The following MSH5 variants were observed in gnomAD, a reference collection of about 807,000 sequenced individuals.
MSH5 encodes mutS protein homolog 5.
In MSH5, 78 loss-of-function variants were observed where a neutral mutation model predicts 107.7. The ratio of observed to expected loss-of-function variants is 0.72; its 90% confidence interval spans 0.60 to 0.87. MSH5 has a LOEUF of 0.87. Among genes scored for constraint, MSH5 ranks in the 40% least tolerant of loss-of-function variants. The pLI is 0.00. For missense variants in MSH5, 889 were observed against 1,046.6 expected (o/e 0.85, Z 2.08); for synonymous variants, 326 against 399.5 (o/e 0.82, Z 2.19).
rs1809198733 is a variant in MSH5 at position 31,744,259 on chromosome 6, AAT to A, written c.608_609del (p.Asn203SerfsTer9). On this transcript the variant is annotated frameshift_variant, in exon 7 of 25. Transcript: ENST00000375750. LOFTEE classifies it high-confidence loss of function. ...AATCGGGGTTGAACTGGAAGACTAT[AAT>A]GTCAGCGTCCCCATCCTGGGCTTTA... ...RRIGVELEDY[N>X]VSVPILGFKK... The A allele has an allele frequency of 3.1e-6, 5 of 1,614,004 alleles. No homozygotes were observed. The highest frequency in any genetic ancestry group is 3.4e-6 in the Non-Finnish European group (4 of 1,180,036).
intron 12 of MSH5, among the ~76,000 whole-genome samples, chr6:31,755,826 C>T (rs1336172291): frequency 1.3e-5 from 2 of 151,992 alleles, no homozygotes; most frequent in African/African-American, 2.4e-5. Context: ...TTTAATCTAC[C>T]GGTTCCTTCT....
intron 10 of MSH5, among the ~76,000 whole-genome samples, chr6:31,750,239 T>G (rs940075717): frequency 6.6e-5 from 10 of 152,256 alleles, no homozygotes. Flanking sequence ...TATTTTAATT[T>G]ATTAGGAAAT....
At chr6:31,751,231 C>T (rs550850318) in intron 10 of MSH5, among the ~76,000 whole-genome samples, 10 of 152,280 alleles carry the variant, frequency 6.6e-5, no homozygotes, top group East Asian at 1.9e-4. Context: ...CTCCTGACCT[C>T]GTGACCCGCC....
chr6:31,761,575 A>T lies in MSH5; in HGVS notation c.2141A>T (p.Gln714Leu). 6.2e-7 allele frequency: 1 copy of T among 1,614,002 alleles called. No homozygotes were observed. Among genetic ancestry groups the T allele is most frequent in the Non-Finnish European group, 8.5e-7 (1 of 1,180,034 alleles). ...GCCACCAACTTTCTGAGCCTTGTTC[A>T]GCTACAACTGCTGCCACAAGGGCCC... ...FVATNFLSLV[Q>L]LQLLPQGPLV... Residue 714 changes from glutamine to leucine, a missense_variant, in exon 22 of 25, where the codon CAG becomes CTG. By Grantham distance (113) the Gln-to-Leu change is moderately radical. Transcript: ENST00000375750. The surrounding 1 kb of genome is among the most constrained non-coding windows in gnomAD (Gnocchi z 5.3).
In MSH5 at chr6:31,743,118, G is replaced by A; in HGVS notation, c.363G>A (p.Glu121=). ...TRFLGKLASQ[E]HREPKRPEII... is the part of the protein sequence containing the mutation. The stretch of plus-strand genomic sequence containing the variant: ...TTTCCTCCCCCACAGCCTCCCAGGA[G>A]CACAGAGAGCCTAAAAGACCTGAAA... The change falls in exon 5 of 25, where the codon GAG becomes GAA. Residue 121 remains glutamate (E), a synonymous_variant. Transcript: ENST00000375750. The A allele has an allele frequency of 1.2e-6, 2 of 1,613,022 alleles. No homozygotes were observed. The highest frequency in any genetic ancestry group is 1.7e-4 in the Middle Eastern group (1 of 6,058).
rs1808869075 is a variant in MSH5 at position 31,741,348 on chromosome 6, C to T, written c.271+62C>T. 23 of 679,442 alleles carry T rather than the reference C, an allele frequency of 3.4e-5. 1 individual carries two copies. Among genetic ancestry groups the T allele is most frequent in the Non-Finnish European group, 4.9e-5 (23 of 469,646 alleles). 42.1% of individuals were successfully genotyped at this position (679,442 alleles called of 1,614,324 possible). Reference sequence around the variant, plus strand: ...ATTGCAGATGTGTTACACACACACACACACACACACACACACACACACACA... The same window carrying T: ...ATTGCAGATGTGTTACACACACACATACACACACACACACACACACACACA... On this transcript the variant is annotated intron_variant, in intron 3 of 24. Transcript: ENST00000375750.
At position 31,752,460 on chromosome 6, in the gene MSH5, C is replaced by T. The variant is rs184090010; in HGVS notation, c.813-841C>T. Among the ~76,000 whole-genome samples the T allele has an allele frequency of 1.4e-4, 20 of 148,104 alleles. No homozygotes were observed. The East Asian group carries it at 2.2e-3, about 16-fold the overall frequency. On this transcript the variant is annotated intron_variant, in intron 10 of 24. Coordinates refer to ENST00000375750, the MANE Select transcript of MSH5 (RefSeq NM_172166.4). ...ACTATTGGCCGGGTATGGTGACTCA[C>T]GCCTGTAATCCCAGCACTTTGGGAG...
intron 12 of MSH5, 98 bp downstream of exon 12, chr6:31,753,727 T>A: frequency 9.0e-7 from 1 of 1,108,118 alleles, no homozygotes; most frequent in Non-Finnish European, 1.3e-6. Flanking sequence ...AATTTTATTC[T>A]ACCCTCTTTT....
Position 31,761,854 on chromosome 6 carries a change from T to G in MSH5, c.2218T>G (p.Phe740Val). ...ETCEDGNDLV[F>V]FYQVCEGVAK... ...CTGTGAGGATGGCAACGATCTTGTCTTCTTCTATCAGGTTTGCGAAGGTGT... is the reference window on the plus strand; with the variant it reads ...CTGTGAGGATGGCAACGATCTTGTCGTCTTCTATCAGGTTTGCGAAGGTGT... Residue 740 changes from phenylalanine (F) to valine (V), a missense_variant, in exon 23 of 25, where the codon TTC becomes GTC. Physicochemically the swap from Phe to Val is conservative, Grantham distance 50. This residue lies in a region of MSH5 where 362 missense variants were observed against 456.2 expected (regional missense o/e 0.79). Transcript: ENST00000375750. This position sits in a 1 kb window ranked among gnomAD's most constrained non-coding sequence, Gnocchi z 5.3. 1.2e-6 allele frequency: 2 copies of G among 1,613,094 alleles called. No homozygotes were observed. The highest frequency in any genetic ancestry group is 1.7e-6 in the Non-Finnish European group (2 of 1,180,010).
intron 12 of MSH5, 105 bp downstream of exon 12, chr6:31,753,734 T>C (rs1297318214): frequency 5.2e-5 from 11 of 210,270 alleles, no homozygotes; most frequent in Middle Eastern, 1.5e-3. Flanking sequence ...TTCTACCCTC[T>C]TTTTTTTTTT....
chr6:31,750,958 A>G (rs1404854229), intron 10 of MSH5, among the ~76,000 whole-genome samples: 2 of 152,190 alleles, frequency 1.3e-5, no homozygotes, highest in Non-Finnish European at 2.9e-5. Flanking sequence ...ACCCGGAATT[A>G]GACAAACACA....
rs746903566 is a variant in MSH5, at chr6:31,753,348, G to T, written c.860G>T (p.Arg287Leu). ...PTHDLGELSS[R>L]LDVIQFFLLP... is the part of the protein sequence containing the mutation. ...CATGACCTGGGGGAGCTCAGTTCTC[G>T]TCTGGACGTCATTCAGTTTTTTCTG... is the stretch of plus-strand genomic sequence containing the variant. Residue 287 changes from arginine (R) to leucine (L), a missense_variant, in exon 11 of 25, where the codon CGT (arginine) becomes CTT (leucine). Arg to Leu is a moderately radical substitution (Grantham distance 102). This residue lies in a region of MSH5 where 518 missense variants were observed against 565.0 expected (regional missense o/e 0.92). Coordinates refer to ENST00000375750, the MANE Select transcript of MSH5 (RefSeq NM_172166.4). 2 of 1,614,182 alleles carry T rather than the reference G, an allele frequency of 1.2e-6. No homozygotes were observed. The highest frequency in any genetic ancestry group is 1.7e-6 in the Non-Finnish European group (2 of 1,180,032).
Position 31,740,531 on chromosome 6 carries a change from C to A in MSH5, c.65C>A (p.Ser22Tyr), listed in dbSNP as rs1407988417. ...PQGPRPGAAS[S>Y]GFPSPAPVPG... ...GGACCGAGACCTGGGGCGGCCTCCTCCGGCTTCCCCAGCCCGGCCCCAGTG... is the reference window on the plus strand; with the variant it reads ...GGACCGAGACCTGGGGCGGCCTCCTACGGCTTCCCCAGCCCGGCCCCAGTG... The change falls in exon 2 of 25, where the codon TCC becomes TAC. Residue 22 changes from serine (S) to tyrosine (Y), a missense_variant. Transcript: ENST00000375750. This position sits in a 1 kb window ranked among gnomAD's most constrained non-coding sequence, Gnocchi z 4.4. 10 of 1,544,424 alleles carry A rather than the reference C, an allele frequency of 6.5e-6. No homozygotes were observed. In the South Asian group the frequency reaches 1.2e-4, roughly 18 times the overall value.
rs746381898 is a variant in MSH5 at position 31,761,486 on chromosome 6, G to A, written c.2052G>A (p.Ala684=). 1.5e-5 allele frequency: 25 copies of A among 1,613,066 alleles called. No individual in the cohort carries two copies. Among genetic ancestry groups the A allele is most frequent in the Middle Eastern group, 1.9e-4 (1 of 5,388 alleles). Residue 684 remains alanine, a synonymous_variant, in exon 22 of 25, where the codon GCG becomes GCA. Transcript: ENST00000375750. The surrounding 1 kb of genome is among the most constrained non-coding windows in gnomAD (Gnocchi z 5.3). ...CCTCTTTGCAGGTGGATGGGCTCGCGCTTCTGGCCGCTGTGCTCCGACACT... is the reference window on the plus strand; with the variant it reads ...CCTCTTTGCAGGTGGATGGGCTCGCACTTCTGGCCGCTGTGCTCCGACACT... ...GKGTNTVDGL[A]LLAAVLRHWL...
At chr6:31,744,108 G>GA in intron 6 of MSH5, 82 bp from the exon 7 acceptor site, 2 of 1,596,640 alleles carry the variant, frequency 1.3e-6, no homozygotes, top group East Asian at 4.5e-5. Context: ...CCTAGCCCTG[G>GA]AAAATAGTAA....
At chr6:31,750,261 A>G (rs939603119) in intron 10 of MSH5, among the ~76,000 whole-genome samples, 30 of 152,214 alleles carry the variant, frequency 2.0e-4, no homozygotes, top group Non-Finnish European at 2.5e-4. Flanking sequence ...CCTCTAACGT[A>G]CAAAAAGATG....
chr6:31,745,469 C>T, intron 9 of MSH5, 150 bp downstream of exon 9: 1 of 623,188 alleles, frequency 1.6e-6, no homozygotes, highest in Non-Finnish European at 2.8e-6. Context: ...TATTTGTACC[C>T]CCCGCCCCCC....
chr6:31,759,715 CT>C lies in MSH5; in HGVS notation c.1496-70del. 3.9e-6 allele frequency: 6 copies of C among 1,552,022 alleles called. No individual in the cohort carries two copies. The highest frequency in any genetic ancestry group is 2.2e-5 in the East Asian group (1 of 44,514). Reference sequence around the variant, plus strand: ...ATCTGCAACCTGTTTCCAGATCCCCCTAGGGGCCTCTGCCTCTCCTTCACTT... The same window carrying C: ...ATCTGCAACCTGTTTCCAGATCCCCCAGGGGCCTCTGCCTCTCCTTCACTT... On this transcript the variant is annotated intron_variant, in intron 17 of 24. Coordinates refer to ENST00000375750, the MANE Select transcript of MSH5 (RefSeq NM_172166.4). The surrounding 1 kb of genome is among the most constrained non-coding windows in gnomAD (Gnocchi z 4.7).
intron 10 of MSH5, among the ~76,000 whole-genome samples, chr6:31,747,665 C>G (rs1809583394): frequency 6.6e-6 from 1 of 151,964 alleles, no homozygotes; most frequent in Non-Finnish European, 1.5e-5. Flanking sequence ...ACACATATAC[C>G]CATTGATGAT....
Sources: gnomAD v4.1 joint callset for allele counts (sites outside exome capture counted in the v4.1 genomes callset) on GRCh38, gnomAD v4.1.1 for gene constraint, gnomAD v4.1.1 regional missense constraint, Gnocchi (gnomAD v3.1) non-coding constraint, MANE v1.5 for transcripts, NCBI Gene and HGNC (gene_info 2026-07-23, HGNC 2026-07-21) for gene names.